The following RHBDL3 variants were observed in gnomAD, a reference collection of about 807,000 sequenced individuals.
RHBDL3 encodes the protein rhomboid-related protein 3.
RHBDL3 carries 28 observed loss-of-function variants against 48.2 expected under a neutral mutation model. That is an observed-to-expected ratio of 0.58 (90% CI 0.43 to 0.80). The LOEUF (loss-of-function observed/expected upper bound fraction) is 0.80. Among genes scored for constraint, RHBDL3 ranks in the 30% least tolerant of loss-of-function variants. The probability of loss-of-function intolerance (pLI) is 0.00; values close to 1 mark genes in which losing one functional copy is unlikely to be tolerated. For missense variants in RHBDL3, 464 were observed against 542.7 expected (o/e 0.85, Z 1.44); for synonymous variants, 208 against 232.3 (o/e 0.90, Z 0.95).
Position 32,321,254 on chromosome 17 carries a change from G to A in RHBDL3, c.*25G>A. ...AGGGCTGGAGGCCCAAGGTCGGGGA[G>A]GGGAGGGAAAAGCAGCACCCACAGG... On this transcript the variant is annotated 3_prime_UTR_variant, in exon 9 of 9. Transcript: ENST00000269051. 3 of 1,613,928 alleles carry A rather than the reference G, an allele frequency of 1.9e-6. No individual in the cohort carries two copies. Among genetic ancestry groups the A allele is most frequent in the South Asian group, 2.2e-5 (2 of 91,070 alleles).
chr17:32,297,652 CTTTTTTTTTTTT>C (rs71362824), intron 5 of RHBDL3, among the ~76,000 whole-genome samples: 19 of 50,982 alleles, frequency 3.7e-4, no homozygotes, highest in Middle Eastern at 0.012. Flanking sequence ...GTTGCTGGAT[CTTTTTTTTTTTT>C]TTTTTTTTTT....
In RHBDL3 at chr17:32,320,989, C is replaced by G; in HGVS notation, c.975C>G (p.Leu325=). The part of the protein sequence containing the change: ...MSMEFGRAVW[L]RFHPSAYPPC... ...TGGAGTTTGGGCGGGCCGTGTGGCT[C>G]CGCTTCCACCCGTCGGCCTATCCCC... The change falls in exon 9 of 9, where the codon CTC becomes CTG. Residue 325 remains leucine (L), a synonymous_variant. Transcript: ENST00000269051. 6.2e-7 allele frequency: 1 copy of G among 1,613,500 alleles called. No homozygotes were observed. The highest frequency in any genetic ancestry group is 1.1e-5 in the South Asian group (1 of 91,044).
At chr17:32,306,687 A>T (rs537451051) in intron 7 of RHBDL3, among the ~76,000 whole-genome samples, 1 of 152,304 alleles carries the variant, frequency 6.6e-6, no homozygotes, top group African/African-American at 2.4e-5. Flanking sequence ...TGAGAGGCTG[A>T]GGTGGGCAGA....
At chr17:32,285,794 C>A (rs16967244) in intron 3 of RHBDL3, among the ~76,000 whole-genome samples, 5 of 152,062 alleles carry the variant, frequency 3.3e-5, no homozygotes, top group African/African-American at 1.2e-4. Context: ...TGAAGCGCCC[C>A]AGACTCCTAA....
At chr17:32,296,331 C>CTTTTTTT (rs5819975) in intron 5 of RHBDL3, among the ~76,000 whole-genome samples, 3 of 83,806 alleles carry the variant, frequency 3.6e-5, no homozygotes, top group Non-Finnish European at 7.0e-5. Flanking sequence ...GAATAGGTCT[C>CTTTTTTT]TTTTTTTTTT....
intron 8 of RHBDL3, among the ~76,000 whole-genome samples, chr17:32,316,792 AC>A (rs1406451621): frequency 2.0e-5 from 3 of 152,100 alleles, no homozygotes; most frequent in African/African-American, 7.2e-5. Flanking sequence ...TGCTGGGATT[AC>A]AGGTGTGAGT....
At chr17:32,273,843 C>T (rs372506493) in intron 2 of RHBDL3, among the ~76,000 whole-genome samples, 184 of 152,286 alleles carry the variant, frequency 1.2e-3, no homozygotes, top group African/African-American at 4.4e-3. Flanking sequence ...TCAAGTCATT[C>T]TCCTGCTTCA....
intron 7 of RHBDL3, among the ~76,000 whole-genome samples, chr17:32,311,823 G>T (rs544022861): frequency 6.6e-6 from 1 of 152,288 alleles, no homozygotes; most frequent in Admixed American, 6.5e-5. Flanking sequence ...GCCAGGCAGT[G>T]GTCTTAGTGC....
chr17:32,310,918 A>G (rs1023775728), intron 7 of RHBDL3, among the ~76,000 whole-genome samples: 2 of 130,830 alleles, frequency 1.5e-5, no homozygotes, highest in Non-Finnish European at 3.4e-5. Context: ...TACTTTATTA[A>G]GGAAAAATAT....
At chr17:32,277,992 C>T (rs2039954262) in intron 2 of RHBDL3, among the ~76,000 whole-genome samples, 1 of 152,148 alleles carries the variant, frequency 6.6e-6, no homozygotes. Flanking sequence ...CCACAGAACA[C>T]ACATTGGGAA....
chr17:32,308,064 G>A (rs2040752256), intron 7 of RHBDL3, among the ~76,000 whole-genome samples: 1 of 152,208 alleles, frequency 6.6e-6, no homozygotes, highest in Admixed American at 6.5e-5. Context: ...CATGGTGAAG[G>A]CAGACCACTG....
Position 32,324,039 on chromosome 17 carries a change from G to C in RHBDL3, c.*2810G>C, listed in dbSNP as rs1304539411. The C allele has an allele frequency of 1.3e-5, 2 of 152,456 alleles. No homozygotes were observed. Among genetic ancestry groups the C allele is most frequent in the Non-Finnish European group, 2.9e-5 (2 of 68,234 alleles). The allele number at this position is 152,456 out of a possible 1,614,324, so 9.4% of individuals were successfully genotyped here. The stretch of plus-strand genomic sequence containing the variant: ...GAGGTGGCTGCCAGCCCAGGGGGTG[G>C]TGTGTAAATCTTCAGGCTGGTGGAG... On this transcript the variant is annotated 3_prime_UTR_variant, in exon 9 of 9. Coordinates refer to ENST00000269051, the MANE Select transcript of RHBDL3 (RefSeq NM_138328.3).
At chr17:32,313,757 T>TTTTC (rs2040901356) in intron 7 of RHBDL3, among the ~76,000 whole-genome samples, 1 of 104,170 alleles carries the variant, frequency 9.6e-6, no homozygotes, top group Non-Finnish European at 1.9e-5. Flanking sequence ...CTCCCTTTTT[T>TTTTC]TTTTTTTTTT....
At chr17:32,312,187 G>A (rs527887996) in intron 7 of RHBDL3, among the ~76,000 whole-genome samples, 2 of 152,316 alleles carry the variant, frequency 1.3e-5, no homozygotes, top group Admixed American at 1.3e-4. Context: ...TACAATCCCA[G>A]CACTTTGGGA....
chr17:32,279,970 T>C (rs973977145), intron 2 of RHBDL3, among the ~76,000 whole-genome samples: 3 of 152,122 alleles, frequency 2.0e-5, no homozygotes, highest in African/African-American at 7.2e-5. Context: ...GCATAGAGGA[T>C]AGGAGAAGGC....
intron 3 of RHBDL3, among the ~76,000 whole-genome samples, chr17:32,286,595 T>C (rs1428486573): frequency 1.3e-5 from 2 of 152,234 alleles, no homozygotes; most frequent in African/African-American, 4.8e-5. Context: ...TATTTGAATA[T>C]TTTTGATGTC....
chr17:32,293,528 G>A (rs779854795), intron 4 of RHBDL3, among the ~76,000 whole-genome samples: 85 of 150,468 alleles, frequency 5.6e-4, no homozygotes, highest in Non-Finnish European at 1.0e-3. Context: ...GTTGCAGTGA[G>A]CCAAGACTAT....
At chr17:32,318,030 A>G (rs1262441182) in intron 8 of RHBDL3, among the ~76,000 whole-genome samples, 2 of 151,372 alleles carry the variant, frequency 1.3e-5, no homozygotes, top group Non-Finnish European at 2.9e-5. Context: ...GCAATATAGC[A>G]AGACCTTGTC....
chr17:32,279,725 C>A (rs60210644), intron 2 of RHBDL3, among the ~76,000 whole-genome samples: 2,270 of 152,058 alleles, frequency 0.015, 54 homozygotes, highest in African/African-American at 0.051. Context: ...GGGTGGGTGG[C>A]CCTTATAGCT....
Sources: allele counts gnomAD v4.1 joint callset (sites outside exome capture counted in the v4.1 genomes callset), GRCh38; gene constraint gnomAD v4.1.1; transcripts MANE v1.5; gene names NCBI Gene and HGNC (gene_info 2026-07-23, HGNC 2026-07-21).